SLC22A24: variants seen among roughly 807,000 people sequenced by gnomAD.
SLC22A24 encodes the protein steroid transmembrane transporter SLC22A24.
Under a neutral mutation model 49.8 loss-of-function variants are expected in SLC22A24, and 53 were observed. The ratio of observed to expected loss-of-function variants is 1.06; its 90% CI spans 0.85 to 1.34. The LOEUF (loss-of-function observed/expected upper bound fraction) is 1.34. Among genes scored for constraint, SLC22A24 ranks in the 40% most tolerant of loss-of-function variants. SLC22A24 has a pLI of 0.00. For missense variants in SLC22A24, 786 were observed against 675.9 expected, an observed-to-expected ratio of 1.16 and a Z score of -1.81; for synonymous variants, 302 against 256.4, an observed-to-expected ratio of 1.18 and a Z score of -1.70.
At chr11:63,112,138 T>G (rs1042073653) in intron 4 of SLC22A24, among the ~76,000 whole-genome samples, 9 of 152,292 alleles carry the variant, frequency 5.9e-5, no homozygotes, top group African/African-American at 1.7e-4. Context: ...AGGTTGTTCA[T>G]TTTCCATGTA....
At chr11:63,135,474 C>G (rs896496059) in intron 1 of SLC22A24, among the ~76,000 whole-genome samples, 1 of 152,264 alleles carries the variant, frequency 6.6e-6, no homozygotes, top group South Asian at 2.1e-4. Flanking sequence ...GATTAAATGA[C>G]ATAGTAACAG....
At chr11:63,122,930 A>G (rs377305554) in intron 2 of SLC22A24, among the ~76,000 whole-genome samples, 20 of 152,196 alleles carry the variant, frequency 1.3e-4, no homozygotes, top group Non-Finnish European at 2.5e-4. Context: ...TAGCATACCT[A>G]TCTTCTCAAA....
intron 7 of SLC22A24, among the ~76,000 whole-genome samples, chr11:63,082,086 A>G (rs1337202748): frequency 3.9e-5 from 6 of 152,188 alleles, no homozygotes; most frequent in African/African-American, 1.4e-4. Context: ...GCATAGAACT[A>G]TATATAGATA....
intron 2 of SLC22A24, among the ~76,000 whole-genome samples, chr11:63,122,300 A>G (rs148004139): frequency 6.6e-6 from 1 of 152,274 alleles, no homozygotes; most frequent in East Asian, 1.9e-4. Flanking sequence ...AAGACCTGCA[A>G]TAAATGGCCC....
intron 6 of SLC22A24, among the ~76,000 whole-genome samples, chr11:63,092,661 C>T (rs1057427040): frequency 6.7e-6 from 1 of 148,548 alleles, no homozygotes; most frequent in African/African-American, 2.5e-5. Flanking sequence ...GAAACTGGAC[C>T]CCTTTCCTAC....
At chr11:63,139,923 G>T (rs2087402653) in intron 1 of SLC22A24, among the ~76,000 whole-genome samples, 1 of 151,050 alleles carries the variant, frequency 6.6e-6, no homozygotes, top group Non-Finnish European at 1.5e-5. Flanking sequence ...GTTTTTTTTT[G>T]TGTGTGATAT....
intron 5 of SLC22A24, among the ~76,000 whole-genome samples, chr11:63,097,741 T>C (rs190515718): frequency 2.0e-5 from 3 of 152,008 alleles, no homozygotes; most frequent in Admixed American, 6.6e-5. Context: ...CCATGAAAAA[T>C]AATGAGTTCA....
chr11:63,122,812 G>A (rs1167973340), intron 2 of SLC22A24, among the ~76,000 whole-genome samples: 4 of 152,134 alleles, frequency 2.6e-5, no homozygotes, highest in Admixed American at 6.5e-5. Flanking sequence ...GAGCCACTGT[G>A]CCTGGCCTAT....
At chr11:63,108,926 A>G (rs2087141714) in intron 4 of SLC22A24, among the ~76,000 whole-genome samples, 2 of 146,016 alleles carry the variant, frequency 1.4e-5, no homozygotes, top group South Asian at 4.5e-4. Flanking sequence ...TACATGTGCC[A>G]TGCTGGTGTG....
intron 2 of SLC22A24, among the ~76,000 whole-genome samples, chr11:63,126,252 G>A (rs563718417): frequency 6.6e-6 from 1 of 152,118 alleles, no homozygotes; most frequent in Non-Finnish European, 1.5e-5. Context: ...GACCTGAATG[G>A]TATTGACTAG....
At chr11:63,110,777 A>C (rs2087157386) in intron 4 of SLC22A24, among the ~76,000 whole-genome samples, 1 of 137,490 alleles carries the variant, frequency 7.3e-6, no homozygotes, top group East Asian at 2.1e-4. Context: ...CTAGATATAC[A>C]ATCATGTCGT....
intron 2 of SLC22A24, among the ~76,000 whole-genome samples, chr11:63,126,240 A>G (rs2087289829): frequency 3.3e-5 from 5 of 152,136 alleles, no homozygotes; most frequent in Admixed American, 2.6e-4. Flanking sequence ...GCCCATGCCT[A>G]TGACCTGAAT....
rs1565332007 is a variant in SLC22A24 at position 63,113,043 on chromosome 11, TATATATATATAC to T, written c.830+5857_830+5868del. ...AAAAAAAAAAAAAAAAAAATATATA[TATATATATATAC>T]ATATATATATATACATATATATACA... On this transcript the variant is annotated intron_variant, in intron 4 of 9. Transcript: ENST00000612278. Among the ~76,000 whole-genome samples the T allele has an allele frequency of 2.5e-3, 18 of 7,236 alleles. 5 individuals carry two copies. Among genetic ancestry groups the T allele is most frequent in the Admixed American group, 4.6e-3 (1 of 218 alleles). The allele number at this position is 7,236 out of a possible 152,430, so 4.7% of individuals were successfully genotyped here.
intron 2 of SLC22A24, among the ~76,000 whole-genome samples, chr11:63,124,911 C>G (rs918641386): frequency 6.7e-6 from 1 of 149,698 alleles, no homozygotes; most frequent in Admixed American, 6.7e-5. Flanking sequence ...AATGAGAACA[C>G]ATGGACACAG....
intron 2 of SLC22A24, among the ~76,000 whole-genome samples, chr11:63,131,543 A>T (rs895993720): frequency 6.6e-6 from 1 of 152,160 alleles, no homozygotes; most frequent in Non-Finnish European, 1.5e-5. Context: ...TATGAAGCTT[A>T]GTTTGGCGGG....
intron 2 of SLC22A24, 23 bp downstream of exon 2, chr11:63,134,642 A>G (rs1477709252): frequency 2.9e-6 from 4 of 1,366,008 alleles, no homozygotes; most frequent in Non-Finnish European, 4.1e-6. Flanking sequence ...AAACAGCCCC[A>G]AAGAAAGTGA....
At chr11:63,127,112 A>G (rs1409255290) in intron 2 of SLC22A24, among the ~76,000 whole-genome samples, 1 of 152,124 alleles carries the variant, frequency 6.6e-6, no homozygotes, top group Non-Finnish European at 1.5e-5. Flanking sequence ...ATTTCTCCTA[A>G]TGCTGTCACT....
chr11:63,096,109 T>G lies in SLC22A24; in HGVS notation c.955-3A>C, dbSNP rs1156462274. ...TTCTTCATGGTGGATCTCACAAGCTTCAGCAACAAAAATAACAACAAGCAT... is the reference window on the plus strand; with the variant it reads ...TTCTTCATGGTGGATCTCACAAGCTGCAGCAACAAAAATAACAACAAGCAT... On this transcript the variant is annotated splice_polypyrimidine_tract_variant and splice_region_variant and intron_variant, in intron 5 of 9. Transcript: ENST00000612278. 6.5e-7 allele frequency: 1 copy of G among 1,536,376 alleles called. No individual in the cohort carries two copies. Among genetic ancestry groups the G allele is most frequent in the Non-Finnish European group, 8.8e-7 (1 of 1,133,384 alleles).
In SLC22A24 at chr11:63,083,444, C is replaced by T. The variant is rs1273618027; in HGVS notation, c.1084G>A (p.Val362Ile). The T allele has an allele frequency of 1.9e-6, 3 of 1,550,802 alleles. No homozygotes were observed. Among genetic ancestry groups the T allele is most frequent in the Non-Finnish European group, 2.6e-6 (3 of 1,146,496 alleles). ...GLCFVRFAIT[V>I]PFYGLILNLQ... ...TTGAGTATCAGGCCATAAAAGGGTA[C>T]AGTGATTGCGAATCTGAAGTGAATA... is the stretch of plus-strand genomic sequence containing the variant. The change falls in exon 7 of 10, where the codon GTA (valine) becomes ATA (isoleucine). Residue 362 changes from valine (V) to isoleucine (I), a missense_variant. Physicochemically the swap from Val to Ile is conservative, Grantham distance 29 (BLOSUM62 3). Coordinates refer to ENST00000612278, the MANE Select transcript of SLC22A24 (RefSeq NM_001136506.2).
Sources: gnomAD v4.1 joint callset for allele counts (sites outside exome capture counted in the v4.1 genomes callset) on GRCh38, gnomAD v4.1.1 for gene constraint, MANE v1.5 for transcripts, NCBI Gene and HGNC (gene_info 2026-07-23, HGNC 2026-07-21) for gene names.